Variants in ZNF385D observed in about 807,000 individuals in gnomAD.
ZNF385D encodes zinc finger protein 385D.
ZNF385D carries 15 observed loss-of-function variants against 35.8 expected under a neutral mutation model. The ratio of observed to expected loss-of-function variants is 0.42; its 90% CI spans 0.28 to 0.64. The LOEUF (loss-of-function observed/expected upper bound fraction) is 0.64, where lower values mean the gene tolerates loss of function less well. Among genes scored for constraint, ZNF385D ranks in the 30% least tolerant of loss-of-function variants. The pLI is 0.23. For synonymous variants in ZNF385D, 212 were observed against 186.8 expected (o/e 1.13, Z -1.10); for missense variants, 474 against 494.6 (o/e 0.96, Z 0.39).
At chr3:21,719,708 G>C (rs13070714) in intron 1 of ZNF385D, among the ~76,000 whole-genome samples, 25,540 of 152,122 alleles carry the variant, frequency 0.17, 2,598 homozygotes, top group Admixed American at 0.3. Context: ...GCGCCAGTCC[G>C]ATCCTTAGAA....
intron 3 of ZNF385D, among the ~76,000 whole-genome samples, chr3:22,070,323 A>G (rs1404132674): frequency 6.6e-6 from 1 of 152,186 alleles, no homozygotes; most frequent in Non-Finnish European, 1.5e-5. Flanking sequence ...TATACATGAA[A>G]GGAAAGCAAT....
intron 2 of ZNF385D, among the ~76,000 whole-genome samples, chr3:22,234,861 A>G (rs1258010326): frequency 6.6e-6 from 1 of 152,078 alleles, no homozygotes; most frequent in Non-Finnish European, 1.5e-5. Context: ...ATAGTATTTC[A>G]TCAACTATCC....
intron 3 of ZNF385D, among the ~76,000 whole-genome samples, chr3:21,552,472 A>C (rs948775328): frequency 6.6e-6 from 1 of 152,216 alleles, no homozygotes; most frequent in African/African-American, 2.4e-5. Flanking sequence ...CTTGTATTTC[A>C]ATTCTGCAAT....
chr3:21,982,682 C>T lies in ZNF385D; in HGVS notation c.325+186135G>A, dbSNP rs1694543995. ...GAGCTGGTATTCAAGGGGAATACTG[C>T]TAGCTTTTGCCTATTCAGTATAACA... is the stretch of plus-strand genomic sequence containing the variant. On this transcript the variant is annotated intron_variant, in intron 3 of 5. Transcript: ENST00000494108. Among the ~76,000 whole-genome samples, 2 of 152,204 alleles carry T rather than the reference C, an allele frequency of 1.3e-5. 1 individual carries two copies. Among genetic ancestry groups the T allele is most frequent in the South Asian group, 4.2e-4 (2 of 4,812 alleles).
intron 3 of ZNF385D, among the ~76,000 whole-genome samples, chr3:21,916,165 A>T (rs1038077083): frequency 3.9e-5 from 6 of 152,188 alleles, no homozygotes; most frequent in Non-Finnish European, 7.4e-5. Flanking sequence ...TCTATAGGTC[A>T]TATTTTGTTA....
chr3:21,702,681 C>G (rs1378344869), intron 1 of ZNF385D, among the ~76,000 whole-genome samples: 2 of 152,194 alleles, frequency 1.3e-5, no homozygotes, highest in Non-Finnish European at 2.9e-5. Flanking sequence ...TAACAGCACC[C>G]AAGTCACTCT....
intron 3 of ZNF385D, among the ~76,000 whole-genome samples, chr3:21,802,522 A>C (rs1181802917): frequency 6.6e-6 from 1 of 151,730 alleles, no homozygotes; most frequent in Admixed American, 6.6e-5. Context: ...GCAGAAAAGA[A>C]ATTTCATTTT....
intron 3 of ZNF385D, among the ~76,000 whole-genome samples, chr3:22,157,619 T>A (rs1313482890): frequency 6.6e-6 from 1 of 152,130 alleles, no homozygotes; most frequent in African/African-American, 2.4e-5. Flanking sequence ...AAACTACAGT[T>A]TTTTAACCTC....
chr3:21,453,538 C>CA (rs1702599753), intron 4 of ZNF385D, among the ~76,000 whole-genome samples: 1 of 151,706 alleles, frequency 6.6e-6, no homozygotes, highest in African/African-American at 2.4e-5. Context: ...ACAACTCAAT[C>CA]AAAAAATGGG....
At chr3:21,679,471 G>A (rs1344139330) in intron 1 of ZNF385D, among the ~76,000 whole-genome samples, 1 of 151,882 alleles carries the variant, frequency 6.6e-6, no homozygotes, top group Non-Finnish European at 1.5e-5. Context: ...TTTTTCTATG[G>A]TGTCTAAGAA....
At chr3:22,076,782 G>C (rs1700486856) in intron 3 of ZNF385D, among the ~76,000 whole-genome samples, 1 of 151,670 alleles carries the variant, frequency 6.6e-6, no homozygotes, top group Non-Finnish European at 1.5e-5. Context: ...GAAAAATATA[G>C]TGACTTATTC....
intron 1 of ZNF385D, among the ~76,000 whole-genome samples, chr3:21,724,636 T>C (rs1299342291): frequency 6.6e-6 from 1 of 151,226 alleles, no homozygotes; most frequent in Non-Finnish European, 1.5e-5. Context: ...GAGCTAACTA[T>C]ACTAAATATA....
intron 1 of ZNF385D, among the ~76,000 whole-genome samples, chr3:21,728,463 A>G (rs1435283598): frequency 6.6e-6 from 1 of 152,142 alleles, no homozygotes; most frequent in Non-Finnish European, 1.5e-5. Flanking sequence ...CCACTTTTAA[A>G]GAAACAAAAG....
chr3:21,813,578 G>A (rs1248534294), intron 3 of ZNF385D, among the ~76,000 whole-genome samples: 1 of 152,132 alleles, frequency 6.6e-6, no homozygotes, highest in Non-Finnish European at 1.5e-5. Flanking sequence ...TAGCTGATTT[G>A]ATCAAGTGGA....
At chr3:21,816,162 T>C (rs997518216) in intron 3 of ZNF385D, among the ~76,000 whole-genome samples, 3 of 152,166 alleles carry the variant, frequency 2.0e-5, no homozygotes, top group Non-Finnish European at 4.4e-5. Flanking sequence ...ATAAACTAGG[T>C]ATTGATGGGA....
At chr3:21,857,047 T>C (rs572011167) in intron 3 of ZNF385D, among the ~76,000 whole-genome samples, 5 of 152,140 alleles carry the variant, frequency 3.3e-5, no homozygotes, top group Admixed American at 2.6e-4. Context: ...AGGTCCTTTC[T>C]CACATGTCAC....
At chr3:22,112,236 C>T (rs553867456) in intron 3 of ZNF385D, among the ~76,000 whole-genome samples, 1 of 151,986 alleles carries the variant, frequency 6.6e-6, no homozygotes, top group Non-Finnish European at 1.5e-5. Context: ...GTATTTAAAC[C>T]TCTCCTTTTT....
intron 2 of ZNF385D, among the ~76,000 whole-genome samples, chr3:22,359,441 G>A (rs1314605448): frequency 2.0e-5 from 3 of 151,868 alleles, no homozygotes; most frequent in East Asian, 3.9e-4. Context: ...CTACTACCTT[G>A]GGCATATTGA....
chr3:22,260,208 A>G (rs190949313), intron 2 of ZNF385D, among the ~76,000 whole-genome samples: 4 of 152,132 alleles, frequency 2.6e-5, no homozygotes, highest in Non-Finnish European at 5.9e-5. Flanking sequence ...AAGAAATGGA[A>G]GCCTTCATTC....
Sources: gnomAD v4.1 joint callset for allele counts (sites outside exome capture counted in the v4.1 genomes callset) on GRCh38, gnomAD v4.1.1 for gene constraint, MANE v1.5 for transcripts, NCBI Gene and HGNC (gene_info 2026-07-23, HGNC 2026-07-21) for gene names.